The following EGF variants were observed in gnomAD, a reference collection of about 807,000 sequenced individuals.
EGF encodes pro-epidermal growth factor.
EGF carries 95 observed loss-of-function variants against 143.8 expected under a neutral mutation model. The ratio of observed to expected loss-of-function variants is 0.66; its 90% CI spans 0.56 to 0.78. The LOEUF (loss-of-function observed/expected upper bound fraction) is 0.78, where lower values mean the gene tolerates loss of function less well. EGF is among the 30% of genes least tolerant of loss of function. The pLI, the probability that EGF is intolerant of heterozygous loss-of-function variation, is 0.00. For missense variants in EGF, 1,320 were observed against 1,470.9 expected (o/e 0.90, Z 1.68); for synonymous variants, 510 against 510.5 (o/e 1.00, Z 0.01).
At chr4:109,945,303 C>T (rs1220561345) in intron 5 of EGF, 28 bp downstream of exon 5, 3 of 1,602,186 alleles carry the variant, frequency 1.9e-6, no homozygotes, top group East Asian at 2.2e-5. Context: ...TTGCGCAGGG[C>T]CTGACACATA....
At chr4:109,923,283 T>C (rs1363987418) in intron 1 of EGF, among the ~76,000 whole-genome samples, 1 of 151,554 alleles carries the variant, frequency 6.6e-6, no homozygotes, top group East Asian at 1.9e-4. Flanking sequence ...GCTCAGGAAA[T>C]AGCAATACGC....
intron 1 of EGF, among the ~76,000 whole-genome samples, chr4:109,920,865 T>C (rs1317057035): frequency 6.6e-6 from 1 of 151,622 alleles, no homozygotes; most frequent in Non-Finnish European, 1.5e-5. Context: ...AGATATTAGG[T>C]GAACTAAGAA....
At chr4:109,937,955 C>T (rs1050874026) in intron 1 of EGF, among the ~76,000 whole-genome samples, 1 of 152,138 alleles carries the variant, frequency 6.6e-6, no homozygotes, top group African/African-American at 2.4e-5. Flanking sequence ...TTTTTTCCTT[C>T]ATTTCAACCT....
intron 1 of EGF, among the ~76,000 whole-genome samples, chr4:109,927,692 C>G (rs865939079): frequency 6.7e-6 from 1 of 148,828 alleles, no homozygotes. Flanking sequence ...CCACTGCACT[C>G]CAGCCTGGGC....
At chr4:109,920,339 A>C (rs975474138) in intron 1 of EGF, among the ~76,000 whole-genome samples, 1 of 151,700 alleles carries the variant, frequency 6.6e-6, no homozygotes, top group Non-Finnish European at 1.5e-5. Context: ...TAAAGACTCA[A>C]TAACTATCCT....
At chr4:109,927,579 T>C (rs10014805) in intron 1 of EGF, among the ~76,000 whole-genome samples, 74,341 of 151,504 alleles carry the variant, frequency 0.49, 19,565 homozygotes, top group African/African-American at 0.69. Flanking sequence ...AAAAAATTAG[T>C]TGGGCGTGGT....
intron 5 of EGF, among the ~76,000 whole-genome samples, chr4:109,957,567 T>C (rs1339007318): frequency 1.3e-5 from 2 of 152,228 alleles, no homozygotes; most frequent in Non-Finnish European, 1.5e-5. Flanking sequence ...TTTTATCTTT[T>C]GAGATTTGAA....
intron 11 of EGF, among the ~76,000 whole-genome samples, chr4:109,972,338 C>T (rs1447561703): frequency 1.3e-5 from 2 of 152,134 alleles, no homozygotes; most frequent in Non-Finnish European, 2.9e-5. Flanking sequence ...TAAATTCCAG[C>T]GATCTTGCCT....
In EGF at chr4:109,987,789, G is replaced by A. The variant is rs375844241; in HGVS notation, c.2537G>A (p.Cys846Tyr). ...GTGGGATGCAGCATGTATGCTCGGTGTATTTCAGAGGGAGAGGATGCCACA... is the reference window on the plus strand; with the variant it reads ...GTGGGATGCAGCATGTATGCTCGGTATATTTCAGAGGGAGAGGATGCCACA... ...APVGCSMYAR[C>Y]ISEGEDATCQ... is the part of the protein sequence containing the mutation. Residue 846 changes from cysteine (C) to tyrosine (Y), a missense_variant, in exon 17 of 24, where the codon TGT (cysteine) becomes TAT (tyrosine). Cys to Tyr is a radical substitution (Grantham distance 194). Around this residue, in one of 5 missense-constraint regions of EGF, gnomAD observed 1,186 missense variants for 1,313.7 expected, o/e 0.90. Coordinates refer to ENST00000265171, the MANE Select transcript of EGF (RefSeq NM_001963.6). The A allele has an allele frequency of 6.2e-6, 10 of 1,613,986 alleles. No individual in the cohort carries two copies. In the African/African-American group the frequency reaches 1.3e-4, roughly 22 times the overall value.
intron 20 of EGF, among the ~76,000 whole-genome samples, chr4:109,997,522 C>T (rs1381486985): frequency 1.3e-5 from 2 of 151,412 alleles, no homozygotes; most frequent in African/African-American, 2.4e-5. Context: ...AGTGCAGTGG[C>T]GCAATCTCAG....
rs763602539 is a variant in EGF at position 109,945,224 on chromosome 4, G to C, written c.889G>C (p.Val297Leu). 5 of 1,614,006 alleles carry C rather than the reference G, an allele frequency of 3.1e-6. No individual in the cohort carries two copies. Among genetic ancestry groups the C allele is most frequent in the Non-Finnish European group, 4.2e-6 (5 of 1,180,038 alleles). ...ATTTGTACCACTTGGTGAACTGAAA[G>C]TAGTGCATCCACTTGCACAACCCAA... ...SSFVPLGELK[V>L]VHPLAQPKAE... The change falls in exon 5 of 24, where the codon GTA (valine) becomes CTA (leucine). Residue 297 changes from valine to leucine, a missense_variant. Transcript: ENST00000265171.
chr4:109,944,304 T>G (rs946035057), intron 4 of EGF, among the ~76,000 whole-genome samples: 1 of 151,976 alleles, frequency 6.6e-6, no homozygotes, highest in Admixed American at 6.5e-5. Context: ...CCGGGCGTGG[T>G]GGCGAGCACC....
At chr4:109,934,387 C>T (rs1244399497) in intron 1 of EGF, among the ~76,000 whole-genome samples, 4 of 152,126 alleles carry the variant, frequency 2.6e-5, no homozygotes, top group Non-Finnish European at 5.9e-5. Flanking sequence ...TCATATCCTT[C>T]GTCCACTTTT....
intron 7 of EGF, among the ~76,000 whole-genome samples, chr4:109,961,649 C>T (rs574901817): frequency 6.6e-6 from 1 of 152,016 alleles, no homozygotes; most frequent in Non-Finnish European, 1.5e-5. Context: ...TAATTCCTTC[C>T]TATCATTTAA....
At position 109,964,486 on chromosome 4, in the gene EGF, C is replaced by G; in HGVS notation, c.1524C>G (p.Ser508Arg). Reference sequence around the variant, plus strand: ...GAACAGACTATGGAACTCTGCTCAGCCAGCAGATGGGAATGGTTTATGCCC... The same window carrying G: ...GAACAGACTATGGAACTCTGCTCAGGCAGCAGATGGGAATGGTTTATGCCC... ...FDGTDYGTLL[S>R]QQMGMVYALD... Residue 508 changes from serine to arginine, a missense_variant, in exon 10 of 24, where the codon AGC (serine) becomes AGG (arginine). Coordinates refer to ENST00000265171, the MANE Select transcript of EGF (RefSeq NM_001963.6). The G allele has an allele frequency of 6.2e-7, 1 of 1,613,938 alleles. No homozygotes were observed. Among genetic ancestry groups the G allele is most frequent in the Non-Finnish European group, 8.5e-7 (1 of 1,179,844 alleles).
chr4:109,919,208 A>G (rs1370186366), intron 1 of EGF, among the ~76,000 whole-genome samples: 2 of 151,908 alleles, frequency 1.3e-5, no homozygotes, highest in Non-Finnish European at 2.9e-5. Context: ...TTTTCCTTCT[A>G]CAATGGGAGA....
At chr4:109,979,628 T>C (rs940178577) in intron 13 of EGF, among the ~76,000 whole-genome samples, 1 of 152,164 alleles carries the variant, frequency 6.6e-6, no homozygotes, top group Admixed American at 6.6e-5. Flanking sequence ...TCGAGTTTAG[T>C]CTATAAGTAG....
chr4:109,921,060 A>G (rs1244604658), intron 1 of EGF, among the ~76,000 whole-genome samples: 11 of 151,500 alleles, frequency 7.3e-5, no homozygotes. Flanking sequence ...AACAGAAGGG[A>G]TCTTTACACT....
In EGF at chr4:110,004,215, TACACACAC is replaced by T. The variant is rs772189572; in HGVS notation, c.3174-260_3174-253del. 223 of 357,020 alleles carry T rather than the reference TACACACAC, an allele frequency of 6.2e-4. 1 individual carries two copies. The highest frequency in any genetic ancestry group is 2.5e-3 in the East Asian group (38 of 15,492). 22.1% of individuals were successfully genotyped at this position (357,020 alleles called of 1,614,324 possible). A position where few individuals can be genotyped will look rare whatever the true frequency, so the allele number is the denominator to read the frequency against. On this transcript the variant is annotated intron_variant, in intron 21 of 23. Transcript: ENST00000265171. ...TCCCCCCAACATACATGGGCATACATACACACACACACACACACACACACACACACACA... is the reference window on the plus strand; with the variant it reads ...TCCCCCCAACATACATGGGCATACATACACACACACACACACACACACACA...
Sources: allele counts gnomAD v4.1 joint callset (sites outside exome capture counted in the v4.1 genomes callset), GRCh38; gene constraint gnomAD v4.1.1; regional missense constraint gnomAD v4.1.1; transcripts MANE v1.5; gene names NCBI Gene and HGNC (gene_info 2026-07-23, HGNC 2026-07-21).